The following TRRAP variants were observed in gnomAD, a reference collection of about 807,000 sequenced individuals.
TRRAP encodes the protein transformation/transcription domain-associated protein.
TRRAP carries 41 observed loss-of-function variants against 438.8 expected under a neutral mutation model. That is an observed-to-expected ratio of 0.09 (90% confidence interval 0.07 to 0.12). TRRAP has a LOEUF of 0.12. Ranked by LOEUF, TRRAP falls within the 10% of genes least tolerant of loss-of-function variation. The pLI is 1.00. For missense variants in TRRAP, 3,122 were observed against 5,055.1 expected (o/e 0.62, Z 11.60); for synonymous variants, 1,994 against 1,962.9 (o/e 1.02, Z -0.42).
At chr7:98,953,103 A>C in intron 39 of TRRAP, 64 bp from the exon 40 acceptor site, 7 of 1,554,456 alleles carry the variant, frequency 4.5e-6, no homozygotes, top group South Asian at 3.5e-5. Flanking sequence ...AACCTGTCGT[A>C]TGACCCTCAG....
chr7:99,011,287 T>C lies in TRRAP; in HGVS notation c.11142+32T>C. Reference sequence around the variant, plus strand: ...TGCTTTGAACAGCCAGATCCTCTCCTCGTGACATCGCCTTTCTGCTGAAGT... The same window carrying C: ...TGCTTTGAACAGCCAGATCCTCTCCCCGTGACATCGCCTTTCTGCTGAAGT... On this transcript the variant is annotated intron_variant, in intron 71 of 72. Transcript: ENST00000456197. The surrounding 1 kb of genome is among the most constrained non-coding windows in gnomAD (Gnocchi z 7.1). 3.7e-6 allele frequency: 6 copies of C among 1,613,084 alleles called. No individual in the cohort carries two copies. The highest frequency in any genetic ancestry group is 5.1e-6 in the Non-Finnish European group (6 of 1,179,002).
At chr7:98,917,276 A>G in intron 19 of TRRAP, 147 bp from the exon 20 acceptor site, 1 of 1,065,640 alleles carries the variant, frequency 9.4e-7, no homozygotes, top group Non-Finnish European at 1.4e-6. Flanking sequence ...GGACAGATGT[A>G]ACAGGGTGGA....
At chr7:98,896,215 T>G (rs961492948) in intron 7 of TRRAP, among the ~76,000 whole-genome samples, 1 of 151,358 alleles carries the variant, frequency 6.6e-6, no homozygotes, top group African/African-American at 2.4e-5. Context: ...ATATTTTCAG[T>G]TTTTTTTTAA....
intron 25 of TRRAP, 26 bp from the exon 26 acceptor site, chr7:98,931,379 C>G (rs1554412800): frequency 1.2e-6 from 2 of 1,607,780 alleles, no homozygotes; most frequent in South Asian, 2.2e-5. Context: ...GCCCTGCTTT[C>G]ATTCTAAGAC....
chr7:98,881,353 A>C (rs1554403040), intron 2 of TRRAP, 103 bp downstream of exon 2: 1 of 1,037,634 alleles, frequency 9.6e-7, no homozygotes, highest in East Asian at 2.8e-5. Flanking sequence ...CGGGTGGATC[A>C]CCTGATGTCA....
At chr7:98,952,155 G>A (rs1191186036) in intron 39 of TRRAP, among the ~76,000 whole-genome samples, 2 of 152,176 alleles carry the variant, frequency 1.3e-5, no homozygotes, top group South Asian at 2.1e-4. Flanking sequence ...GACAGACAGC[G>A]GTTAGGATAC....
chr7:98,967,235 C>T, intron 50 of TRRAP, 73 bp downstream of exon 50: 2 of 1,535,236 alleles, frequency 1.3e-6, no homozygotes, highest in South Asian at 1.2e-5. Flanking sequence ...AGCCATGCAG[C>T]CATGATTTTA....
In TRRAP at chr7:98,956,818, GTTGA is replaced by G. The variant is rs1791641635; in HGVS notation, c.6231+288_6231+291del. ...CTAGAGAAACTCTTTGAAGTAAGGA[GTTGA>G]TTAAGAACATGTGCCCATACTGAGA... On this transcript the variant is annotated intron_variant, in intron 43 of 72. Transcript: ENST00000456197. The surrounding 1 kb of genome is among the most constrained non-coding windows in gnomAD (Gnocchi z 4.5). Among the ~76,000 whole-genome samples the G allele has an allele frequency of 6.6e-6, 1 of 152,196 alleles. No individual in the cohort carries two copies. Among genetic ancestry groups the G allele is most frequent in the African/African-American group, 2.4e-5 (1 of 41,446 alleles).
chr7:98,903,099 G>T (rs922523922), intron 11 of TRRAP, among the ~76,000 whole-genome samples: 3 of 152,028 alleles, frequency 2.0e-5, no homozygotes, highest in Admixed American at 1.3e-4. Context: ...TTGCCTCACT[G>T]CAACCTTCTC....
In TRRAP at chr7:98,956,586, C is replaced by A; in HGVS notation, c.6231+53C>A. 1 of 1,575,578 alleles carries A rather than the reference C, an allele frequency of 6.3e-7. No individual in the cohort carries two copies. The highest frequency in any genetic ancestry group is 1.2e-5 in the South Asian group (1 of 84,606). ...CTGCGCATTCTGCTGGGAGTTGGTT[C>A]GTTTATTCCCTATATTTAGAATGTG... On this transcript the variant is annotated intron_variant, in intron 43 of 72. Coordinates refer to ENST00000456197, the MANE Select transcript of TRRAP (RefSeq NM_001375524.1). The surrounding 1 kb of genome is among the most constrained non-coding windows in gnomAD (Gnocchi z 4.5).
rs1554412431 is a variant in TRRAP, at chr7:98,929,979, C to T, written c.3176-10C>T. The stretch of plus-strand genomic sequence containing the variant: ...ACTGTTCTCACGTGCCTTCCCATCT[C>T]TCCTTTTAGGCCCTTTCTTGCTGCC... On this transcript the variant is annotated splice_polypyrimidine_tract_variant and intron_variant, in intron 23 of 72. Coordinates refer to ENST00000456197, the MANE Select transcript of TRRAP (RefSeq NM_001375524.1). The T allele has an allele frequency of 2.5e-6, 4 of 1,613,754 alleles. No homozygotes were observed. The highest frequency in any genetic ancestry group is 2.5e-6 in the Non-Finnish European group (3 of 1,179,768).
At chr7:98,911,577 G>A (rs1789277533) in intron 17 of TRRAP, among the ~76,000 whole-genome samples, 2 of 152,070 alleles carry the variant, frequency 1.3e-5, no homozygotes, top group East Asian at 1.9e-4. Flanking sequence ...ATCAGCCTGG[G>A]CAACAATGGT....
chr7:98,932,279 A>G (rs1353611734), intron 26 of TRRAP, among the ~76,000 whole-genome samples: 1 of 151,888 alleles, frequency 6.6e-6, no homozygotes, highest in African/African-American at 2.4e-5. Flanking sequence ...ACACCCGGCT[A>G]ATTTTTTGTA....
At position 98,955,199 on chromosome 7, in the gene TRRAP, C is replaced by T. The variant is rs782001013; in HGVS notation, c.5832C>T (p.Asp1944=). The T allele has an allele frequency of 1.3e-5, 21 of 1,614,080 alleles. No homozygotes were observed. The highest frequency in any genetic ancestry group is 4.5e-5 in the East Asian group (2 of 44,888). ...CGGCGGTGCCGGCCAGGATGGAGGA[C>T]GGGCACCAGATGCTGACCCACTGGA... ...LTPAVPARME[D]GHQMLTHWTR... is the part of the protein sequence containing the mutation. Residue 1944 remains aspartate, a synonymous_variant, in exon 41 of 73, where the codon GAC becomes GAT. Transcript: ENST00000456197.
rs114255412 is a variant in TRRAP at position 98,990,330 on chromosome 7, A to G, written c.9592-125A>G. 4.7e-4 allele frequency: 446 copies of G among 948,606 alleles called. 3 individuals carry two copies. The African/African-American group carries it at 6.6e-3, about 14-fold the overall frequency. 58.8% of individuals were successfully genotyped at this position (948,606 alleles called of 1,614,324 possible). A position where few individuals can be genotyped will look rare whatever the true frequency, so the allele number is the denominator to read the frequency against. ...GTTTAGCAATAATGTTGGCCTGCTTATAGATACTTTTTTTACATGGCCAGT... is the reference window on the plus strand; with the variant it reads ...GTTTAGCAATAATGTTGGCCTGCTTGTAGATACTTTTTTTACATGGCCAGT... On this transcript the variant is annotated intron_variant, in intron 63 of 72. Coordinates refer to ENST00000456197, the MANE Select transcript of TRRAP (RefSeq NM_001375524.1).
chr7:99,003,942 G>T (rs574567154), intron 67 of TRRAP, among the ~76,000 whole-genome samples: 2 of 152,136 alleles, frequency 1.3e-5, no homozygotes, highest in African/African-American at 4.8e-5. Flanking sequence ...GCCTGGTGGC[G>T]GGTGCCTGTA....
rs755357681 is a variant in TRRAP at position 98,994,895 on chromosome 7, T to C, written c.10309+47T>C. ...CTTCCATAGGGAGAATTGTGCACGC[T>C]GATTTCCTCCGGCTTTAGTGTTGAA... On this transcript the variant is annotated intron_variant, in intron 67 of 72. Transcript: ENST00000456197. This position sits in a 1 kb window ranked among gnomAD's most constrained non-coding sequence, Gnocchi z 4.8. 7 of 1,596,652 alleles carry C rather than the reference T, an allele frequency of 4.4e-6. No individual in the cohort carries two copies. Among genetic ancestry groups the C allele is most frequent in the Non-Finnish European group, 5.1e-6 (6 of 1,169,220 alleles).
At chr7:98,969,642 G>A (rs983071766) in intron 51 of TRRAP, among the ~76,000 whole-genome samples, 1 of 151,778 alleles carries the variant, frequency 6.6e-6, no homozygotes, top group African/African-American at 2.4e-5. Flanking sequence ...GGTGGCGAGT[G>A]GCCCAACTGC....
chr7:98,916,718 A>G (rs1433772890), intron 19 of TRRAP, among the ~76,000 whole-genome samples: 1 of 152,112 alleles, frequency 6.6e-6, no homozygotes, highest in Non-Finnish European at 1.5e-5. Context: ...CTGTCCCCCA[A>G]GGGGTGTTCC....
Sources: gnomAD v4.1 joint callset for allele counts (sites outside exome capture counted in the v4.1 genomes callset) on GRCh38, gnomAD v4.1.1 for gene constraint, Gnocchi (gnomAD v3.1) non-coding constraint, MANE v1.5 for transcripts, NCBI Gene and HGNC (gene_info 2026-07-23, HGNC 2026-07-21) for gene names.